The following RANBP2 variants were observed in gnomAD, a reference collection of about 807,000 sequenced individuals.
RANBP2 encodes RAN binding protein 2, also known as E3 SUMO-protein ligase RanBP2.
A neutral mutation model predicts 303.6 loss-of-function variants in RANBP2; 57 were observed. That is an observed-to-expected ratio of 0.19 (90% confidence interval 0.15 to 0.23). The LOEUF (loss-of-function observed/expected upper bound fraction) is 0.23. RANBP2 is among the 10% of genes least tolerant of loss of function. The pLI is 1.00. For missense variants in RANBP2, 3,138 were observed against 3,780.8 expected (o/e 0.83, Z 4.46); for synonymous variants, 1,167 against 1,301.5 (o/e 0.90, Z 2.23).
At chr2:109,725,145 C>T in the RANBP2 span, among the ~76,000 whole-genome samples, 1 of 152,200 alleles carries the variant, frequency 6.6e-6, no homozygotes, top group Non-Finnish European at 1.5e-5. Flanking sequence ...GCCCCTGCTC[C>T]CCTCAGAACA....
chr2:109,064,666 C>T, the RANBP2 span, among the ~76,000 whole-genome samples: 2 of 152,050 alleles, frequency 1.3e-5, no homozygotes, highest in Non-Finnish European at 2.9e-5. Flanking sequence ...GATTTTTAAA[C>T]AGATACATGG....
the RANBP2 span, among the ~76,000 whole-genome samples, chr2:109,335,277 T>A: frequency 1.3e-5 from 2 of 152,212 alleles, no homozygotes; most frequent in Non-Finnish European, 2.9e-5. Context: ...AACGGCTCTT[T>A]CTAGCATGTT....
At chr2:109,231,882 A>C in the RANBP2 span, among the ~76,000 whole-genome samples, 1 of 152,254 alleles carries the variant, frequency 6.6e-6, no homozygotes, top group African/African-American at 2.4e-5. Context: ...TGTAATTCAC[A>C]TGCCATGTAA....
At chr2:109,353,025 T>C in the RANBP2 span, among the ~76,000 whole-genome samples, 1 of 152,260 alleles carries the variant, frequency 6.6e-6, no homozygotes, top group Non-Finnish European at 1.5e-5. Context: ...CCGCTGCAGC[T>C]GCCCCACCTG....
the RANBP2 span, among the ~76,000 whole-genome samples, chr2:108,918,949 G>A: frequency 6.6e-6 from 1 of 152,162 alleles, no homozygotes; most frequent in African/African-American, 2.4e-5. Context: ...TGAACTGTGG[G>A]CAGACTCGCA....
the RANBP2 span, among the ~76,000 whole-genome samples, chr2:109,712,585 C>T: frequency 8.5e-5 from 13 of 152,218 alleles, no homozygotes; most frequent in East Asian, 2.5e-3. Flanking sequence ...GCGTGTGCCA[C>T]AAGGCCCTGC....
chr2:109,024,878 G>T, the RANBP2 span, among the ~76,000 whole-genome samples: 78 of 151,830 alleles, frequency 5.1e-4, no homozygotes, highest in Non-Finnish European at 9.0e-4. Flanking sequence ...GCATATAATT[G>T]ACCATATTAG....
At chr2:109,699,806 G>A in the RANBP2 span, among the ~76,000 whole-genome samples, 1 of 152,140 alleles carries the variant, frequency 6.6e-6, no homozygotes, top group East Asian at 1.9e-4. Context: ...GGCTCAGTGA[G>A]ACCTCGGTTG....
chr2:109,145,128 G>T, the RANBP2 span, among the ~76,000 whole-genome samples: 526 of 152,288 alleles, frequency 3.5e-3, 3 homozygotes, highest in Middle Eastern at 0.01. Context: ...CTCTGTCTGT[G>T]TCTCCAGGTT....
At chr2:109,108,739 C>T in the RANBP2 span, among the ~76,000 whole-genome samples, 7 of 152,322 alleles carry the variant, frequency 4.6e-5, no homozygotes, top group African/African-American at 1.7e-4. Flanking sequence ...CGAGAGTGCC[C>T]AGGCAAGCTG....
chr2:109,346,557 T>TC, the RANBP2 span, among the ~76,000 whole-genome samples: 1 of 151,918 alleles, frequency 6.6e-6, no homozygotes, highest in African/African-American at 2.4e-5. Flanking sequence ...CTGGCAAAGC[T>TC]CCCACAGTTG....
the RANBP2 span, among the ~76,000 whole-genome samples, chr2:108,969,261 C>T: frequency 6.6e-6 from 1 of 152,136 alleles, no homozygotes; most frequent in East Asian, 1.9e-4. Flanking sequence ...CAACCTCCAC[C>T]CCACCTATTT....
chr2:108,811,245 C>CTTTTTTTT, the RANBP2 span, among the ~76,000 whole-genome samples: 174 of 109,592 alleles, frequency 1.6e-3, 20 homozygotes, highest in African/African-American at 4.0e-3. Context: ...CTTTCTCTCT[C>CTTTTTTTT]TCTTTTTTTT....
At chr2:109,109,301 C>T in the RANBP2 span, among the ~76,000 whole-genome samples, 1 of 152,192 alleles carries the variant, frequency 6.6e-6, no homozygotes, top group Non-Finnish European at 1.5e-5. Flanking sequence ...AAACTCTTGC[C>T]CCCAGGCACA....
the RANBP2 span, among the ~76,000 whole-genome samples, chr2:109,258,842 T>C: frequency 6.6e-6 from 1 of 152,218 alleles, no homozygotes. Context: ...CAGTGACCTG[T>C]GCTGATGTCC....
the RANBP2 span, among the ~76,000 whole-genome samples, chr2:108,873,834 A>G: frequency 1.3e-5 from 2 of 152,182 alleles, no homozygotes. Context: ...CCTGGGCCGC[A>G]TGCAGCCCAT....
At chr2:108,900,403 A>C in the RANBP2 span, among the ~76,000 whole-genome samples, 12 of 152,158 alleles carry the variant, frequency 7.9e-5, no homozygotes, top group East Asian at 2.3e-3. Flanking sequence ...TAAATATACA[A>C]AATTAGCTGG....
the RANBP2 span, chr2:108,812,865 C>T: frequency 6.2e-7 from 1 of 1,613,458 alleles, no homozygotes; most frequent in Non-Finnish European, 8.5e-7. Flanking sequence ...AGGAAGTTCC[C>T]ATGCTGTTCA....
At chr2:108,826,403 G>A in the RANBP2 span, among the ~76,000 whole-genome samples, 1 of 151,940 alleles carries the variant, frequency 6.6e-6, no homozygotes, top group African/African-American at 2.4e-5. Context: ...ACATGTTTAG[G>A]CCTTTGATGC....
Sources: allele counts gnomAD v4.1 joint callset (sites outside exome capture counted in the v4.1 genomes callset), GRCh38; gene constraint gnomAD v4.1.1; transcripts MANE v1.5; gene names NCBI Gene and HGNC (gene_info 2026-07-23, HGNC 2026-07-21).